The following LMO4 variants were observed in gnomAD, a reference collection of about 807,000 sequenced individuals.
LMO4 encodes the protein LIM domain transcription factor LMO4.
Under a neutral mutation model 18.5 loss-of-function variants are expected in LMO4, and 3 were observed. The observed-to-expected ratio is 0.16, with a 90% CI of 0.07 to 0.42. The LOEUF is 0.42. LMO4 is among the 10% of genes least tolerant of loss of function. LMO4 has a pLI of 0.99. For missense variants in LMO4, 121 were observed against 219.9 expected (o/e 0.55, Z 2.84); for synonymous variants, 100 against 88.1 (o/e 1.14, Z -0.76).
At chr1:87,331,968 C>A (rs781209350) in intron 1 of LMO4, 45 bp from the exon 2 acceptor site, 2 of 1,480,702 alleles carry the variant, frequency 1.4e-6, no homozygotes, top group South Asian at 1.2e-5. Context: ...TTTGCATCGC[C>A]CCTGTTTTGT....
intron 1 of LMO4, chr1:87,331,746 A>G (rs1570648695): frequency 2.0e-6 from 1 of 502,506 alleles, no homozygotes; most frequent in East Asian, 3.3e-5. Context: ...CCGGAGCTGA[A>G]ATTGTCAGCG....
chr1:87,329,679 AAGTG>A (rs1419040439), intron 1 of LMO4, among the ~76,000 whole-genome samples: 3 of 152,172 alleles, frequency 2.0e-5, no homozygotes, highest in South Asian at 2.1e-4. Flanking sequence ...GGAAGGATCT[AAGTG>A]AGCAGGATTC....
intron 2 of LMO4, among the ~76,000 whole-genome samples, chr1:87,334,640 T>C (rs1030876333): frequency 6.6e-6 from 1 of 152,158 alleles, no homozygotes; most frequent in Non-Finnish European, 1.5e-5. Flanking sequence ...CTTTGAGTTG[T>C]GGTTTTTTGA....
chr1:87,340,290 G>A (rs767540608), intron 4 of LMO4, 88 bp downstream of exon 4: 16 of 1,333,290 alleles, frequency 1.2e-5, no homozygotes, highest in African/African-American at 1.0e-4. Flanking sequence ...TTCTTGGGTG[G>A]TTGTATTTTT....
intron 2 of LMO4, among the ~76,000 whole-genome samples, chr1:87,338,979 T>C (rs1247302168): frequency 6.6e-6 from 1 of 152,180 alleles, no homozygotes; most frequent in African/African-American, 2.4e-5. Flanking sequence ...GTTGACACCA[T>C]GATTGAAAAG....
intron 2 of LMO4, among the ~76,000 whole-genome samples, chr1:87,336,040 T>TCCCCTCTCTAATGCAGCAGTTGTG (rs142291969): frequency 6.6e-6 from 1 of 151,896 alleles, no homozygotes; most frequent in African/African-American, 2.4e-5. Context: ...TTTTTTTTCC[T>TCCCCTCTCTAATGCAGCAGTTGTG]ATTATGCACA....
chr1:87,339,307 A>G (rs1278819443), intron 2 of LMO4, among the ~76,000 whole-genome samples: 4 of 152,108 alleles, frequency 2.6e-5, no homozygotes, highest in African/African-American at 7.2e-5. Context: ...GTGTAAGTCA[A>G]TATTTTGATT....
chr1:87,339,653 T>G, intron 3 of LMO4, 21 bp downstream of exon 3: 1 of 1,503,314 alleles, frequency 6.7e-7, no homozygotes, highest in Non-Finnish European at 9.2e-7. Context: ...CATCTCTCTT[T>G]TTTTTTTAAA....
In LMO4 at chr1:87,332,043, C is replaced by T. The variant is rs1430997725; in HGVS notation, c.28C>T (p.Pro10Ser). MVNPGSSSQ[P>S]PPVTAGSLSW... is the part of the protein sequence containing the mutation. ...GGTGAATCCGGGCAGCAGCTCGCAG[C>T]CGCCCCCGGTGACGGCCGGCTCCCT... Residue 10 changes from proline to serine, a missense_variant, in exon 2 of 5, where the codon CCG becomes TCG. By Grantham distance (74) the Pro-to-Ser change is moderately conservative (BLOSUM62 -1). This residue lies in a region of LMO4 where 51 missense variants were observed against 56.8 expected (regional missense o/e 0.90). Transcript: ENST00000370544. 8 of 1,612,772 alleles carry T rather than the reference C, an allele frequency of 5.0e-6. No individual in the cohort carries two copies. Among genetic ancestry groups the T allele is most frequent in the Middle Eastern group, 1.7e-4 (1 of 5,772 alleles).
At chr1:87,331,748 T>C (rs1650155223) in intron 1 of LMO4, 3 of 501,624 alleles carry the variant, frequency 6.0e-6, no homozygotes, top group South Asian at 3.3e-5. Flanking sequence ...GGAGCTGAAA[T>C]TGTCAGCGGC....
rs958331423 is a variant in LMO4, at chr1:87,346,972, T to A, written c.*2176T>A. Reference sequence around the variant, plus strand: ...CTATATTCTTTTTGGCATAAGCACTTATGTCCCTGATATGTACAAATTCAA... The same window carrying A: ...CTATATTCTTTTTGGCATAAGCACTAATGTCCCTGATATGTACAAATTCAA... On this transcript the variant is annotated 3_prime_UTR_variant, in exon 5 of 5. Coordinates refer to ENST00000370544, the MANE Select transcript of LMO4 (RefSeq NM_006769.4). The A allele has an allele frequency of 1.8e-4, 27 of 152,308 alleles. No homozygotes were observed. The highest frequency in any genetic ancestry group is 2.5e-4 in the Non-Finnish European group (17 of 68,022). The allele number at this position is 152,308 out of a possible 1,614,324, so 9.4% of individuals were successfully genotyped here. A position where few individuals can be genotyped will look rare whatever the true frequency, so the allele number is the denominator to read the frequency against.
chr1:87,344,639 G>T, intron 4 of LMO4, 149 bp from the exon 5 acceptor site: 1 of 739,364 alleles, frequency 1.4e-6, no homozygotes, highest in South Asian at 1.7e-5. Flanking sequence ...AGAGTAAGTA[G>T]CATAGAAAGC....
intron 3 of LMO4, 76 bp from the exon 4 acceptor site, chr1:87,339,971 A>G (rs1268330451): frequency 6.8e-7 from 1 of 1,475,102 alleles, no homozygotes; most frequent in African/African-American, 1.4e-5. Flanking sequence ...CCTGCTTAAT[A>G]ACAGGTTATA....
Position 87,339,628 on chromosome 1 carries a change from T to C in LMO4, c.329T>C (p.Leu110Pro). ...AGGGCGCAAGGCAATGTGTATCATC[T>C]TAAGGTAGTATTTGCATCTCTCTTT... ...VMRAQGNVYHLKCFTCSTCRN... is the reference protein window; with the variant it reads ...VMRAQGNVYHPKCFTCSTCRN... Residue 110 changes from leucine to proline, a missense_variant, in exon 3 of 5, where the codon CTT becomes CCT. Leu to Pro is a moderately conservative substitution (Grantham distance 98, BLOSUM62 -3). Coordinates refer to ENST00000370544, the MANE Select transcript of LMO4 (RefSeq NM_006769.4). The C allele has an allele frequency of 6.2e-7, 1 of 1,604,218 alleles. No homozygotes were observed.
At chr1:87,341,685 T>C (rs961111376) in intron 4 of LMO4, among the ~76,000 whole-genome samples, 2 of 152,220 alleles carry the variant, frequency 1.3e-5, no homozygotes, top group Non-Finnish European at 2.9e-5. Flanking sequence ...ATGTTCTGTT[T>C]CTTAGTGTTA....
intron 2 of LMO4, among the ~76,000 whole-genome samples, chr1:87,332,856 G>T (rs536416403): frequency 6.6e-6 from 1 of 152,156 alleles, no homozygotes; most frequent in Admixed American, 6.5e-5. Context: ...ATAAAACCTG[G>T]TGGTAATGTT....
chr1:87,332,281 G>T (rs1248705208), intron 2 of LMO4, 30 bp downstream of exon 2: 2 of 1,557,510 alleles, frequency 1.3e-6, no homozygotes, highest in East Asian at 2.3e-5. Context: ...CCTGGAGATG[G>T]GGGGAAGAGC....
chr1:87,346,696 A>G lies in LMO4; in HGVS notation c.*1900A>G, dbSNP rs531299111. The G allele has an allele frequency of 6.1e-4, 93 of 152,286 alleles. No homozygotes were observed. The highest frequency in any genetic ancestry group is 2.0e-3 in the African/African-American group (85 of 41,552). The allele number at this position is 152,286 out of a possible 1,614,324, so 9.4% of individuals were successfully genotyped here. On this transcript the variant is annotated 3_prime_UTR_variant, in exon 5 of 5. Coordinates refer to ENST00000370544, the MANE Select transcript of LMO4 (RefSeq NM_006769.4). Reference sequence around the variant, plus strand: ...AGTTGAACTTCAAACCTCCTAGAGGAGATTGTAAAGGCATAGAGTTGAGGT... The same window carrying G: ...AGTTGAACTTCAAACCTCCTAGAGGGGATTGTAAAGGCATAGAGTTGAGGT...
At chr1:87,338,594 G>A (rs975830207) in intron 2 of LMO4, among the ~76,000 whole-genome samples, 7 of 152,188 alleles carry the variant, frequency 4.6e-5, no homozygotes, top group Non-Finnish European at 8.8e-5. Context: ...ATTTTGTTGT[G>A]CTTGCAGAAG....
Sources: allele counts gnomAD v4.1 joint callset (sites outside exome capture counted in the v4.1 genomes callset), GRCh38; gene constraint gnomAD v4.1.1; regional missense constraint gnomAD v4.1.1; transcripts MANE v1.5; gene names NCBI Gene and HGNC (gene_info 2026-07-23, HGNC 2026-07-21).